EPHA6: variants seen among roughly 807,000 people sequenced by gnomAD.
EPHA6 encodes the protein EPH receptor A6.
Under a neutral mutation model 112.0 loss-of-function variants are expected in EPHA6, and 50 were observed. The ratio of observed to expected loss-of-function variants is 0.45; its 90% confidence interval spans 0.36 to 0.56. EPHA6 has a LOEUF of 0.56. Ranked by LOEUF, EPHA6 falls within the 20% of genes least tolerant of loss-of-function variation. The pLI is 0.00. For synonymous variants in EPHA6, 529 were observed against 490.7 expected (o/e 1.08, Z -1.03); for missense variants, 1,280 against 1,417.4 (o/e 0.90, Z 1.56).
chr3:97,105,432 T>C lies in EPHA6; in HGVS notation c.1114+117439T>C, dbSNP rs545739072. ...TATCCAAATGTCATTCAGGAGCAAG[T>C]TGTTTAATTTCCATGTAATTGCATG... is the stretch of plus-strand genomic sequence containing the variant. On this transcript the variant is annotated intron_variant, in intron 3 of 17. Coordinates refer to ENST00000389672, the MANE Select transcript of EPHA6 (RefSeq NM_001080448.3). Among the ~76,000 whole-genome samples, 3 of 152,254 alleles carry C rather than the reference T, an allele frequency of 2.0e-5. No homozygotes were observed. The East Asian group carries it at 5.8e-4, about 29-fold the overall frequency.
intron 2 of EPHA6, among the ~76,000 whole-genome samples, chr3:96,878,999 A>G (rs533518325): frequency 4.6e-5 from 7 of 152,196 alleles, no homozygotes; most frequent in African/African-American, 1.7e-4. Context: ...TTATTGTAGA[A>G]AGATATATTT....
chr3:97,385,364 A>T (rs574372028), intron 5 of EPHA6, among the ~76,000 whole-genome samples: 5 of 152,336 alleles, frequency 3.3e-5, no homozygotes, highest in African/African-American at 1.2e-4. Flanking sequence ...GCATATCAAG[A>T]TAATCTATAT....
At chr3:97,712,860 T>C (rs1164140588) in intron 14 of EPHA6, among the ~76,000 whole-genome samples, 3 of 152,194 alleles carry the variant, frequency 2.0e-5, no homozygotes, top group Non-Finnish European at 4.4e-5. Flanking sequence ...AAATGTAGTG[T>C]AGTTCTAAGT....
At chr3:97,029,939 C>A (rs1275168406) in intron 3 of EPHA6, among the ~76,000 whole-genome samples, 5 of 152,034 alleles carry the variant, frequency 3.3e-5, no homozygotes, top group African/African-American at 1.2e-4. Flanking sequence ...CAATTTGGTA[C>A]TGCGTCTCCA....
chr3:97,456,637 A>G (rs7640415), intron 7 of EPHA6, among the ~76,000 whole-genome samples: 19,999 of 152,146 alleles, frequency 0.13, 4,189 homozygotes, highest in African/African-American at 0.44. Context: ...ATAACAAGCA[A>G]TCTGCTGAAT....
At chr3:97,397,715 C>CT (rs1341380549) in intron 5 of EPHA6, among the ~76,000 whole-genome samples, 5 of 151,350 alleles carry the variant, frequency 3.3e-5, no homozygotes, top group African/African-American at 1.2e-4. Flanking sequence ...CGTGAAAACG[C>CT]TAATAGGAAA....
chr3:96,991,171 T>A (rs2043202406), intron 3 of EPHA6, among the ~76,000 whole-genome samples: 2 of 152,136 alleles, frequency 1.3e-5, no homozygotes. Context: ...TATTGATATT[T>A]TTGAGCATTT....
chr3:96,912,439 G>T (rs955142072), intron 2 of EPHA6, among the ~76,000 whole-genome samples: 4 of 152,098 alleles, frequency 2.6e-5, no homozygotes, highest in Non-Finnish European at 4.4e-5. Context: ...ATGCAGTGCT[G>T]TGAAAAATAC....
chr3:97,615,714 A>G (rs2093759880), intron 13 of EPHA6, among the ~76,000 whole-genome samples: 1 of 152,134 alleles, frequency 6.6e-6, no homozygotes, highest in Non-Finnish European at 1.5e-5. Context: ...CTACCAAAAC[A>G]TGTCCAGATT....
intron 3 of EPHA6, among the ~76,000 whole-genome samples, chr3:97,160,663 T>C (rs997939851): frequency 6.6e-6 from 1 of 152,170 alleles, no homozygotes; most frequent in African/African-American, 2.4e-5. Context: ...TTCCCTGTTA[T>C]CTTCCTTCCA....
At chr3:96,943,940 TATATG>T (rs1479866222) in intron 2 of EPHA6, among the ~76,000 whole-genome samples, 5 of 152,370 alleles carry the variant, frequency 3.3e-5, no homozygotes, top group Non-Finnish European at 5.9e-5. Context: ...ATTTATGATA[TATATG>T]ATATATCAAT....
In EPHA6 at chr3:97,017,335, A is replaced by G. The variant is rs115755863; in HGVS notation, c.1114+29342A>G. ...CAGCAACTGTGAGGCATTGCATTGA[A>G]CTCAGTAGTCCTTTGTAATAGCAGA... On this transcript the variant is annotated intron_variant, in intron 3 of 17. Transcript: ENST00000389672. 3.4e-3 allele frequency among the ~76,000 whole-genome samples: 522 copies of G among 152,232 alleles called. 4 individuals carry two copies. The highest frequency in any genetic ancestry group is 0.012 in the African/African-American group (512 of 41,530).
intron 7 of EPHA6, among the ~76,000 whole-genome samples, chr3:97,473,649 C>T (rs1458577937): frequency 6.6e-6 from 1 of 151,792 alleles, no homozygotes; most frequent in Non-Finnish European, 1.5e-5. Context: ...GCTTTATCTT[C>T]AAAAAGATAA....
At chr3:97,138,784 G>C (rs1287492671) in intron 3 of EPHA6, among the ~76,000 whole-genome samples, 1 of 152,236 alleles carries the variant, frequency 6.6e-6, no homozygotes, top group South Asian at 2.1e-4. Flanking sequence ...ACTGAGAAGG[G>C]TGTGGCCTGA....
chr3:97,095,318 G>C (rs1253283837), intron 3 of EPHA6, among the ~76,000 whole-genome samples: 1 of 151,920 alleles, frequency 6.6e-6, no homozygotes, highest in Non-Finnish European at 1.5e-5. Flanking sequence ...AGGGGGAAAA[G>C]GGAGGGATAG....
In EPHA6 at chr3:97,204,653, AT is replaced by A. The variant is rs2077667036; in HGVS notation, c.1115-21609del. Among the ~76,000 whole-genome samples, 18 of 152,246 alleles carry A rather than the reference AT, an allele frequency of 1.2e-4. No individual in the cohort carries two copies. In the South Asian group the frequency reaches 3.7e-3, roughly 32 times the overall value. ...AGAAGTTTCTATATTTTTATGATAA[AT>A]TATTCTCCATCATTTTGGGAAAAAA... On this transcript the variant is annotated intron_variant, in intron 3 of 17. Transcript: ENST00000389672.
At chr3:97,575,244 T>C (rs1021920018) in intron 11 of EPHA6, among the ~76,000 whole-genome samples, 1 of 152,248 alleles carries the variant, frequency 6.6e-6, no homozygotes, top group Admixed American at 6.5e-5. Flanking sequence ...TCCATATCTA[T>C]ATAACTATTC....
chr3:97,165,438 A>T (rs2076519441), intron 3 of EPHA6, among the ~76,000 whole-genome samples: 1 of 152,134 alleles, frequency 6.6e-6, no homozygotes, highest in Admixed American at 6.6e-5. Flanking sequence ...CATTTTTAAA[A>T]TTTACTTAAT....
intron 6 of EPHA6, among the ~76,000 whole-genome samples, chr3:97,419,979 T>C (rs2088479923): frequency 6.6e-6 from 1 of 152,070 alleles, no homozygotes; most frequent in South Asian, 2.1e-4. Context: ...AAATGGGTTG[T>C]ATTACCAAAA....
Sources: allele counts gnomAD v4.1 joint callset (sites outside exome capture counted in the v4.1 genomes callset), GRCh38; gene constraint gnomAD v4.1.1; transcripts MANE v1.5; gene names NCBI Gene and HGNC (gene_info 2026-07-23, HGNC 2026-07-21).